FLRT1: variants seen among roughly 807,000 people sequenced by gnomAD.
FLRT1 encodes fibronectin leucine rich transmembrane protein 1, also known as leucine-rich repeat transmembrane protein FLRT1.
A neutral mutation model predicts 30.9 loss-of-function variants in FLRT1; 14 were observed. That is an observed-to-expected ratio of 0.45 (90% CI 0.30 to 0.71). FLRT1 has a LOEUF of 0.71. FLRT1 is among the 30% of genes least tolerant of loss of function. The probability of loss-of-function intolerance (pLI) is 0.08; values close to 1 mark genes in which losing one functional copy is unlikely to be tolerated. For synonymous variants in FLRT1, 368 were observed against 430.4 expected (o/e 0.85, Z 1.80); for missense variants, 737 against 949.2 (o/e 0.78, Z 2.94).
chr11:64,104,499 G>A (rs1158658386), intron 2 of FLRT1, among the ~76,000 whole-genome samples: 1 of 152,130 alleles, frequency 6.6e-6, no homozygotes, highest in Non-Finnish European at 1.5e-5. Context: ...GCAGCAGGGT[G>A]GAGGAATCTC....
intron 1 of FLRT1, among the ~76,000 whole-genome samples, chr11:64,089,969 G>A (rs1023392782): frequency 2.6e-4 from 39 of 152,214 alleles, no homozygotes; most frequent in African/African-American, 8.9e-4. Flanking sequence ...GATTGGATAA[G>A]ATGGCGTCTT....
intron 1 of FLRT1, among the ~76,000 whole-genome samples, chr11:64,077,893 G>A (rs558147391): frequency 6.6e-6 from 1 of 152,348 alleles, no homozygotes; most frequent in East Asian, 1.9e-4. Context: ...CAGCAGATAT[G>A]TTTAGGCCCT....
intron 1 of FLRT1, among the ~76,000 whole-genome samples, chr11:64,069,280 G>A (rs1944062401): frequency 6.6e-6 from 1 of 152,352 alleles, no homozygotes; most frequent in East Asian, 1.9e-4. Flanking sequence ...CTGAACCGCA[G>A]GGGAAGGTGC....
chr11:64,109,147 G>C (rs1203171875), intron 2 of FLRT1, among the ~76,000 whole-genome samples: 1 of 152,132 alleles, frequency 6.6e-6, no homozygotes, highest in African/African-American at 2.4e-5. Flanking sequence ...GCCAGACAGG[G>C]ATGGGGGGCT....
At chr11:64,056,503 C>T (rs1232483835) in intron 1 of FLRT1, among the ~76,000 whole-genome samples, 5 of 152,190 alleles carry the variant, frequency 3.3e-5, no homozygotes, top group Non-Finnish European at 5.9e-5. Flanking sequence ...GACAGACGGA[C>T]GGAGAGACGG....
intron 1 of FLRT1, among the ~76,000 whole-genome samples, chr11:64,048,185 A>G (rs963134255): frequency 6.6e-6 from 1 of 152,204 alleles, no homozygotes; most frequent in African/African-American, 2.4e-5. Flanking sequence ...CCTCTCAGAC[A>G]GACAGGGCTT....
rs897797726 is a variant in FLRT1 at position 64,064,186 on chromosome 11, G to T, written c.-1038+28027G>T. Among the ~76,000 whole-genome samples the T allele has an allele frequency of 6.6e-6, 1 of 152,144 alleles. No individual in the cohort carries two copies. Among genetic ancestry groups the T allele is most frequent in the African/African-American group, 2.4e-5 (1 of 41,406 alleles). On this transcript the variant is annotated intron_variant, in intron 1 of 2. Coordinates refer to ENST00000682287, the MANE Select transcript of FLRT1 (RefSeq NM_013280.5). The surrounding 1 kb of genome is among the most constrained non-coding windows in gnomAD (Gnocchi z 4.5). ...TCTTCTGAGGACAGATGCAGGCTGG[G>T]TTTACATGAATAAAACATCAGTGTA... is the stretch of plus-strand genomic sequence containing the variant.
intron 1 of FLRT1, among the ~76,000 whole-genome samples, chr11:64,088,354 G>A (rs962540758): frequency 2.0e-5 from 3 of 152,186 alleles, no homozygotes; most frequent in African/African-American, 7.2e-5. Flanking sequence ...CCAGGGGGCA[G>A]TGGGGCCTTG....
chr11:64,083,910 C>T (rs977586291), intron 1 of FLRT1, among the ~76,000 whole-genome samples: 3 of 152,192 alleles, frequency 2.0e-5, no homozygotes, highest in Admixed American at 6.5e-5. Flanking sequence ...GGCGTGCGGC[C>T]GGCCCCGTGG....
intron 2 of FLRT1, among the ~76,000 whole-genome samples, chr11:64,111,272 G>T (rs1489684486): frequency 6.6e-6 from 1 of 152,222 alleles, no homozygotes; most frequent in Non-Finnish European, 1.5e-5. Context: ...TGTATCCCTT[G>T]TGCCAGAACT....
At chr11:64,037,984 G>C (rs1943414584) in intron 1 of FLRT1, among the ~76,000 whole-genome samples, 1 of 152,236 alleles carries the variant, frequency 6.6e-6, no homozygotes, top group East Asian at 1.9e-4. Flanking sequence ...CAAGGGCTGA[G>C]GGTATCTGCA....
intron 1 of FLRT1, chr11:64,086,822 G>A (rs933396263): frequency 1.1e-4 from 16 of 152,342 alleles, no homozygotes; most frequent in African/African-American, 3.9e-4. Context: ...ACTAGCCCGT[G>A]ACTTCCACAG....
At chr11:64,043,855 A>G (rs1023569927) in intron 1 of FLRT1, among the ~76,000 whole-genome samples, 1 of 149,976 alleles carries the variant, frequency 6.7e-6, no homozygotes, top group East Asian at 2.0e-4. Context: ...CTTGTTGCCC[A>G]GACTGGAGTG....
At chr11:64,085,630 C>T (rs952150406) in intron 1 of FLRT1, among the ~76,000 whole-genome samples, 1 of 152,226 alleles carries the variant, frequency 6.6e-6, no homozygotes, top group African/African-American at 2.4e-5. Context: ...TTCCTCTGCC[C>T]CACATGGCTG....
At chr11:64,054,951 C>G (rs996037772) in intron 1 of FLRT1, among the ~76,000 whole-genome samples, 4 of 152,304 alleles carry the variant, frequency 2.6e-5, no homozygotes, top group Non-Finnish European at 4.4e-5. Context: ...CTGAATTTCT[C>G]AGGATGGCTC....
At chr11:64,054,747 C>T (rs1565211535) in intron 1 of FLRT1, among the ~76,000 whole-genome samples, 1 of 152,130 alleles carries the variant, frequency 6.6e-6, no homozygotes, top group Non-Finnish European at 1.5e-5. Context: ...CTGCCTGAAC[C>T]CCCACCTGGC....
intron 1 of FLRT1, among the ~76,000 whole-genome samples, chr11:64,102,133 T>C (rs1944681277): frequency 6.6e-6 from 1 of 152,244 alleles, no homozygotes; most frequent in African/African-American, 2.4e-5. Context: ...TGAGCCCATC[T>C]GGATCTGATT....
At chr11:64,081,533 C>G (rs1009774742) in intron 1 of FLRT1, among the ~76,000 whole-genome samples, 3 of 152,132 alleles carry the variant, frequency 2.0e-5, no homozygotes, top group Non-Finnish European at 4.4e-5. Context: ...GTAACACCCC[C>G]CCGACCCCAT....
intron 1 of FLRT1, among the ~76,000 whole-genome samples, chr11:64,078,078 T>G (rs1297457575): frequency 6.6e-6 from 1 of 152,118 alleles, no homozygotes; most frequent in Non-Finnish European, 1.5e-5. Context: ...GCCTTCCCTT[T>G]CACAGTCACA....
Sources: allele counts gnomAD v4.1 joint callset (sites outside exome capture counted in the v4.1 genomes callset), GRCh38; gene constraint gnomAD v4.1.1; non-coding constraint Gnocchi (gnomAD v3.1); transcripts MANE v1.5; gene names NCBI Gene and HGNC (gene_info 2026-07-23, HGNC 2026-07-21).